DOK5: variants seen among roughly 807,000 people sequenced by gnomAD.
DOK5 encodes the protein docking protein 5.
DOK5 carries 27 observed loss-of-function variants against 43.3 expected under a neutral mutation model. The observed-to-expected ratio is 0.62, with a 90% confidence interval of 0.46 to 0.86. DOK5 has a LOEUF of 0.86. Among genes scored for constraint, DOK5 ranks in the 40% least tolerant of loss-of-function variants. The pLI is 0.00. For synonymous variants in DOK5, 146 were observed against 140.1 expected (o/e 1.04, Z -0.30); for missense variants, 373 against 392.9 (o/e 0.95, Z 0.43).
At chr20:54,478,987 G>GTATA (rs1981553025) in intron 1 of DOK5, among the ~76,000 whole-genome samples, 1 of 152,006 alleles carries the variant, frequency 6.6e-6, no homozygotes, top group African/African-American at 2.4e-5. Context: ...ATACATATAT[G>GTATA]TGTATGTGTG....
chr20:54,617,491 T>C (rs1287921223), intron 6 of DOK5, among the ~76,000 whole-genome samples: 1 of 152,066 alleles, frequency 6.6e-6, no homozygotes, highest in African/African-American at 2.4e-5. Context: ...CTTTTATTTA[T>C]TATTTATTTT....
At chr20:54,573,992 AT>A (rs1985376412) in intron 2 of DOK5, among the ~76,000 whole-genome samples, 1 of 152,124 alleles carries the variant, frequency 6.6e-6, no homozygotes, top group Non-Finnish European at 1.5e-5. Context: ...GTTCAGACTG[AT>A]TTTTCAGGCA....
intron 6 of DOK5, among the ~76,000 whole-genome samples, chr20:54,642,969 G>A (rs534534208): frequency 2.0e-5 from 3 of 152,156 alleles, no homozygotes; most frequent in African/African-American, 4.8e-5. Context: ...ACAACTCCAC[G>A]AGAAATCATT....
intron 1 of DOK5, among the ~76,000 whole-genome samples, chr20:54,499,873 G>A (rs935768398): frequency 5.9e-5 from 9 of 152,196 alleles, no homozygotes; most frequent in Non-Finnish European, 1.3e-4. Flanking sequence ...ATTCACTGAA[G>A]ATTGCTCACC....
intron 1 of DOK5, among the ~76,000 whole-genome samples, chr20:54,515,808 C>G (rs1324692642): frequency 6.6e-6 from 1 of 152,178 alleles, no homozygotes; most frequent in Admixed American, 6.5e-5. Context: ...TGGGGAGATG[C>G]TAGCTACCCA....
chr20:54,642,024 C>T (rs181935016), intron 6 of DOK5, among the ~76,000 whole-genome samples: 9 of 152,306 alleles, frequency 5.9e-5, no homozygotes, highest in African/African-American at 2.2e-4. Context: ...ATGGCATAAT[C>T]AACCTGCGTC....
chr20:54,544,921 C>T (rs1984287889), intron 1 of DOK5, among the ~76,000 whole-genome samples: 2 of 152,186 alleles, frequency 1.3e-5, no homozygotes, highest in Admixed American at 1.3e-4. Flanking sequence ...CTTGTGACTT[C>T]CAGAATCATG....
At chr20:54,626,266 G>A (rs1022082272) in intron 6 of DOK5, among the ~76,000 whole-genome samples, 1 of 152,200 alleles carries the variant, frequency 6.6e-6, no homozygotes, top group Non-Finnish European at 1.5e-5. Flanking sequence ...GAGGGAAAGA[G>A]CGGAGGTTTT....
At chr20:54,540,857 TCACA>T (rs1232988804) in intron 1 of DOK5, among the ~76,000 whole-genome samples, 1 of 151,498 alleles carries the variant, frequency 6.6e-6, no homozygotes, top group Non-Finnish European at 1.5e-5. Flanking sequence ...ATATTCAATC[TCACA>T]CAGCCCTATA....
At chr20:54,483,416 A>G (rs1981805217) in intron 1 of DOK5, among the ~76,000 whole-genome samples, 3 of 152,226 alleles carry the variant, frequency 2.0e-5, no homozygotes, top group Admixed American at 2.0e-4. Flanking sequence ...AACCACCTTA[A>G]ATAAGGCAGA....
At chr20:54,574,015 C>T (rs1985376990) in intron 2 of DOK5, among the ~76,000 whole-genome samples, 1 of 152,292 alleles carries the variant, frequency 6.6e-6, no homozygotes. Context: ...TGCCATCCAA[C>T]ATAATCACAT....
At chr20:54,649,144 G>A (rs1340356230) in intron 7 of DOK5, among the ~76,000 whole-genome samples, 5 of 152,190 alleles carry the variant, frequency 3.3e-5, no homozygotes, top group African/African-American at 1.2e-4. Context: ...ATGGGAGTTG[G>A]TGAGAGTGGG....
At chr20:54,641,933 AT>A (rs903039209) in intron 6 of DOK5, among the ~76,000 whole-genome samples, 4 of 152,114 alleles carry the variant, frequency 2.6e-5, no homozygotes, top group Admixed American at 2.6e-4. Context: ...TTGTGGGTGA[AT>A]TTTTTTAAAG....
At chr20:54,501,734 G>A (rs1201019418) in intron 1 of DOK5, among the ~76,000 whole-genome samples, 1 of 152,030 alleles carries the variant, frequency 6.6e-6, no homozygotes, top group African/African-American at 2.4e-5. Flanking sequence ...ACTCATTTAG[G>A]TATTTCATTG....
At chr20:54,607,181 G>C (rs536754188) in intron 5 of DOK5, among the ~76,000 whole-genome samples, 61 of 152,298 alleles carry the variant, frequency 4.0e-4, no homozygotes, top group African/African-American at 1.4e-3. Context: ...ATCAGAAACT[G>C]TGAGTACCTT....
chr20:54,587,461 G>A (rs946539000), intron 2 of DOK5, among the ~76,000 whole-genome samples: 1 of 152,164 alleles, frequency 6.6e-6, no homozygotes, highest in Non-Finnish European at 1.5e-5. Context: ...AAGATTGATG[G>A]AAAGTGGATT....
intron 1 of DOK5, among the ~76,000 whole-genome samples, chr20:54,513,446 C>T (rs1313821754): frequency 1.4e-5 from 1 of 70,444 alleles, no homozygotes; most frequent in Non-Finnish European, 2.6e-5. Flanking sequence ...TGCTTGTTTG[C>T]TTTAAATACT....
chr20:54,487,094 C>T (rs1049202037), intron 1 of DOK5, among the ~76,000 whole-genome samples: 2 of 152,152 alleles, frequency 1.3e-5, no homozygotes, highest in Non-Finnish European at 2.9e-5. Context: ...AATGGCAGAA[C>T]TTTGATTATA....
chr20:54,477,496 G>C (rs2146651570), intron 1 of DOK5, among the ~76,000 whole-genome samples: 1 of 152,190 alleles, frequency 6.6e-6, no homozygotes, highest in Non-Finnish European at 1.5e-5. Context: ...TTTCTTTTCT[G>C]CTATGCAAAT....
Sources: gnomAD v4.1 joint callset for allele counts (sites outside exome capture counted in the v4.1 genomes callset) on GRCh38, gnomAD v4.1.1 for gene constraint, MANE v1.5 for transcripts, NCBI Gene and HGNC (gene_info 2026-07-23, HGNC 2026-07-21) for gene names.